Variants in THBS1 observed in about 807,000 individuals in gnomAD.
THBS1 encodes thrombospondin 1, also known as thrombospondin-1.
Under a neutral mutation model 126.1 loss-of-function variants are expected in THBS1, and 29 were observed. The observed-to-expected ratio is 0.23, with a 90% CI of 0.17 to 0.31. The LOEUF is 0.31. THBS1 is among the 10% of genes least tolerant of loss of function. The probability of loss-of-function intolerance (pLI) is 1.00; values close to 1 mark genes in which losing one functional copy is unlikely to be tolerated. For synonymous variants in THBS1, 496 were observed against 577.8 expected (o/e 0.86, Z 2.03); for missense variants, 1,198 against 1,545.2 (o/e 0.78, Z 3.77).
chr15:39,589,682 A>G lies in THBS1; in HGVS notation c.1927-123A>G. On this transcript the variant is annotated intron_variant, in intron 12 of 21. Transcript: ENST00000260356. The surrounding 1 kb of genome is among the most constrained non-coding windows in gnomAD (Gnocchi z 4.7). ...AGGGAGAATGGGGAGGGACAGAGGT[A>G]ACCCACACTCTTCCAAATGGAGCCT... The G allele has an allele frequency of 1.9e-6, 2 of 1,077,618 alleles. No homozygotes were observed. Among genetic ancestry groups the G allele is most frequent in the Non-Finnish European group, 2.6e-6 (2 of 773,232 alleles). The allele number at this position is 1,077,618 out of a possible 1,614,324, so 66.8% of individuals were successfully genotyped here.
intron 14 of THBS1, chr15:39,590,898 T>C (rs1254809408): frequency 1.9e-6 from 1 of 533,270 alleles, no homozygotes; most frequent in Non-Finnish European, 3.3e-6. Flanking sequence ...CCTAGATTCA[T>C]TTCAAATGTC....
At position 39,588,149 on chromosome 15, in the gene THBS1, C is replaced by A; in HGVS notation, c.1402C>A (p.Gln468Lys). 6.2e-7 allele frequency: 1 copy of A among 1,614,218 alleles called. No homozygotes were observed. The highest frequency in any genetic ancestry group is 8.5e-7 in the Non-Finnish European group (1 of 1,180,050). The change falls in exon 9 of 22, where the codon CAG (glutamine) becomes AAG (lysine). Residue 468 changes from glutamine to lysine, a missense_variant. Gln to Lys is a moderately conservative substitution (Grantham distance 53). This residue lies in a region of THBS1 where 663 missense variants were observed against 860.1 expected (regional missense o/e 0.77). Transcript: ENST00000260356. ...CCGGCTCTGCAACTCTCCCAGCCCC[C>A]AGATGAACGGGAAACCCTGTGAAGG... ...RIRLCNSPSPQMNGKPCEGEA... is the reference protein window; with the variant it reads ...RIRLCNSPSPKMNGKPCEGEA...
At chr15:39,583,845 CACACACGTAT>C (rs1433999708) in intron 4 of THBS1, 133 bp from the exon 5 acceptor site, 2 of 1,178,048 alleles carry the variant, frequency 1.7e-6, no homozygotes, top group African/African-American at 3.9e-5. Flanking sequence ...GTATTATACA[CACACACGTAT>C]ACACACGTGC....
rs1356087515 is a variant in THBS1, at chr15:39,592,975, T to A, written c.2768-25T>A. On this transcript the variant is annotated intron_variant, in intron 17 of 21. Coordinates refer to ENST00000260356, the MANE Select transcript of THBS1 (RefSeq NM_003246.4). The surrounding 1 kb of genome is among the most constrained non-coding windows in gnomAD (Gnocchi z 4.3). Reference sequence around the variant, plus strand: ...TAATAATAGCACTTTAGAATTTTGCTGAACTCTTGCTTTTTTGACCTCAGG... The same window carrying A: ...TAATAATAGCACTTTAGAATTTTGCAGAACTCTTGCTTTTTTGACCTCAGG... 1 of 1,610,588 alleles carries A rather than the reference T, an allele frequency of 6.2e-7. No individual in the cohort carries two copies. Among genetic ancestry groups the A allele is most frequent in the South Asian group, 1.1e-5 (1 of 90,814 alleles).
intron 3 of THBS1, among the ~76,000 whole-genome samples, 181 bp downstream of exon 3, chr15:39,582,933 G>A (rs1160682171): frequency 6.6e-6 from 1 of 152,214 alleles, no homozygotes; most frequent in African/African-American, 2.4e-5. Context: ...CCCAGAGTCT[G>A]GGATTCTGTA....
intron 7 of THBS1, 22 bp downstream of exon 7, chr15:39,585,585 G>A: frequency 6.2e-7 from 1 of 1,609,598 alleles, no homozygotes; most frequent in Admixed American, 1.7e-5. Flanking sequence ...AAATGGCATA[G>A]CTATTCTTCA....
chr15:39,590,480 C>T lies in THBS1; in HGVS notation c.2146-36C>T, dbSNP rs1034449470. 3.3e-6 allele frequency: 5 copies of T among 1,524,360 alleles called. No homozygotes were observed. In the East Asian group the frequency reaches 1.1e-4, roughly 35 times the overall value. 94.4% of individuals were successfully genotyped at this position (1,524,360 alleles called of 1,614,324 possible). On this transcript the variant is annotated intron_variant, in intron 13 of 21. Transcript: ENST00000260356. ...GTGCATGAGCTCAGCATGAGGAAGG[C>T]AACTGAAGCAGTGATATATATCTTC...
Position 39,597,191 on chromosome 15 carries a change from A to G in THBS1, c.*1822A>G, listed in dbSNP as rs1305534522. 1 of 151,980 alleles carries G rather than the reference A, an allele frequency of 6.6e-6. No individual in the cohort carries two copies. Among genetic ancestry groups the G allele is most frequent in the African/African-American group, 2.4e-5 (1 of 41,388 alleles). The allele number at this position is 151,980 out of a possible 1,614,324, so 9.4% of individuals were successfully genotyped here. A position where few individuals can be genotyped will look rare whatever the true frequency, so the allele number is the denominator to read the frequency against. On this transcript the variant is annotated 3_prime_UTR_variant, in exon 22 of 22. Transcript: ENST00000260356. ...ATGCTATTTAAATAATTTATCAGGA[A>G]ATACTGCCTGTAGAGTTAGTATTTC...
chr15:39,591,762 C>G lies in THBS1; in HGVS notation c.2532+139C>G. ...TGGCTTCTCATAGCCAACTGGAATA[C>G]GTTCATGTAAATAATTTGCCTGATG... On this transcript the variant is annotated intron_variant, in intron 16 of 21. Coordinates refer to ENST00000260356, the MANE Select transcript of THBS1 (RefSeq NM_003246.4). 3.9e-6 allele frequency: 3 copies of G among 770,070 alleles called. No individual in the cohort carries two copies. In the Middle Eastern group the frequency reaches 7.2e-4, roughly 186 times the overall value. 47.7% of individuals were successfully genotyped at this position (770,070 alleles called of 1,614,324 possible).
In THBS1 at chr15:39,590,539, C is replaced by T; in HGVS notation, c.2169C>T (p.Asn723=). 1 of 1,613,740 alleles carries T rather than the reference C, an allele frequency of 6.2e-7. No homozygotes were observed. Among genetic ancestry groups the T allele is most frequent in the Non-Finnish European group, 8.5e-7 (1 of 1,179,892 alleles). The change falls in exon 14 of 22, where the codon AAC becomes AAT. Residue 723 remains asparagine, a synonymous_variant. Coordinates refer to ENST00000260356, the MANE Select transcript of THBS1 (RefSeq NM_003246.4). ...AGGATAATTGCCCCAACCTTCCCAA[C>T]TCAGGGCAGGAAGACTATGACAAGG... ...CKKDNCPNLP[N]SGQEDYDKDG...
At chr15:39,587,989 A>G (rs1890241017) in intron 8 of THBS1, 53 bp from the exon 9 acceptor site, 1 of 1,560,368 alleles carries the variant, frequency 6.4e-7, no homozygotes, top group Non-Finnish European at 8.8e-7. Flanking sequence ...GGGAGCCTCT[A>G]TTTGGCTGTC....
chr15:39,587,246 G>T, intron 7 of THBS1, 101 bp from the exon 8 acceptor site: 2 of 1,153,572 alleles, frequency 1.7e-6, no homozygotes, highest in Non-Finnish European at 2.4e-6. Context: ...TAAATATATT[G>T]CTTTTCACCC....
At position 39,593,015 on chromosome 15, in the gene THBS1, A is replaced by G. The variant is rs1046163935; in HGVS notation, c.2783A>G (p.Asp928Gly). 6.2e-6 allele frequency: 10 copies of G among 1,613,426 alleles called. No individual in the cohort carries two copies. The highest frequency in any genetic ancestry group is 6.8e-6 in the Non-Finnish European group (8 of 1,179,848). The change falls in exon 18 of 22, where the codon GAT becomes GGT. Residue 928 changes from aspartate (D) to glycine (G), a missense_variant. This residue lies in a region of THBS1 where 255 missense variants were observed against 373.9 expected (regional missense o/e 0.68). Coordinates refer to ENST00000260356, the MANE Select transcript of THBS1 (RefSeq NM_003246.4). The surrounding 1 kb of genome is among the most constrained non-coding windows in gnomAD (Gnocchi z 5.9). ...QKDSDGDGRG[D>G]ACKDDFDHDS... ...TTGACCTCAGGCGATGGTCGAGGTG[A>G]TGCCTGCAAAGATGATTTTGACCAT...
chr15:39,589,030 G>C lies in THBS1; in HGVS notation c.1717G>C (p.Gly573Arg). The change falls in exon 11 of 22, where the codon GGT becomes CGT. Residue 573 changes from glycine to arginine, a missense_variant. Physicochemically the swap from Gly to Arg is moderately radical, Grantham distance 125 (BLOSUM62 -2). Transcript: ENST00000260356. This position sits in a 1 kb window ranked among gnomAD's most constrained non-coding sequence, Gnocchi z 4.7. ...TSYPDGSWKC[G>R]ACPPGYSGNG... ...CTACCCTGATGGCAGCTGGAAATGT[G>C]GTGCTTGTCCCCCTGGTTACAGTGG... 1 of 1,614,062 alleles carries C rather than the reference G, an allele frequency of 6.2e-7. No homozygotes were observed. The highest frequency in any genetic ancestry group is 2.2e-5 in the East Asian group (1 of 44,888).
chr15:39,588,138 C>A lies in THBS1; in HGVS notation c.1391C>A (p.Ser464Tyr), dbSNP rs1160851289. 6.2e-7 allele frequency: 1 copy of A among 1,614,246 alleles called. No individual in the cohort carries two copies. The highest frequency in any genetic ancestry group is 1.1e-5 in the South Asian group (1 of 91,084). ...GVITRIRLCN[S>Y]PSPQMNGKPC... The stretch of plus-strand genomic sequence containing the variant: ...ATCACAAGGATCCGGCTCTGCAACT[C>A]TCCCAGCCCCCAGATGAACGGGAAA... Residue 464 changes from serine (S) to tyrosine (Y), a missense_variant, in exon 9 of 22, where the codon TCT (serine) becomes TAT (tyrosine). By Grantham distance (144) the Ser-to-Tyr change is moderately radical. Coordinates refer to ENST00000260356, the MANE Select transcript of THBS1 (RefSeq NM_003246.4).
rs1441064165 is a variant in THBS1 at position 39,589,537 on chromosome 15, A to G, written c.1926+183A>G. Among the ~76,000 whole-genome samples, 2 of 152,230 alleles carry G rather than the reference A, an allele frequency of 1.3e-5. No individual in the cohort carries two copies. The highest frequency in any genetic ancestry group is 4.8e-5 in the African/African-American group (2 of 41,470). ...ATGGTAAATCCTGCAGGGGAAAAACAGTCTTCCATATTTAAAAATGCTGCT... is the reference window on the plus strand; with the variant it reads ...ATGGTAAATCCTGCAGGGGAAAAACGGTCTTCCATATTTAAAAATGCTGCT... On this transcript the variant is annotated intron_variant, in intron 12 of 21. Coordinates refer to ENST00000260356, the MANE Select transcript of THBS1 (RefSeq NM_003246.4). The surrounding 1 kb of genome is among the most constrained non-coding windows in gnomAD (Gnocchi z 4.7).
intron 14 of THBS1, chr15:39,590,847 A>G (rs1220928810): frequency 3.6e-6 from 2 of 556,504 alleles, no homozygotes; most frequent in African/African-American, 3.8e-5. Flanking sequence ...TTTTCTCTGT[A>G]CTTGAGAAAT....
At chr15:39,588,402 T>A in intron 9 of THBS1, 124 bp from the exon 10 acceptor site, 1 of 1,333,724 alleles carries the variant, frequency 7.5e-7, no homozygotes, top group Non-Finnish European at 1.0e-6. Flanking sequence ...CTCACCCTCT[T>A]CCCCAGCATT....
Position 39,589,346 on chromosome 15 carries a change from A to AACATGT in THBS1, c.1921_1922insTGTACA (p.Asn640_Lys641insMetTyr), listed in dbSNP as rs1218892083. 3 of 1,614,028 alleles carry AACATGT rather than the reference A, an allele frequency of 1.9e-6. No homozygotes were observed. Among genetic ancestry groups the AACATGT allele is most frequent in the Non-Finnish European group, 2.5e-6 (3 of 1,180,016 alleles). ...CCAGGGTGTCGAACATGCCACGGCC[A>AACATGT]ACAAACAGGTACAGTCAACTAGACG... On this transcript the variant is annotated inframe_insertion, in exon 12 of 22. Transcript: ENST00000260356. The surrounding 1 kb of genome is among the most constrained non-coding windows in gnomAD (Gnocchi z 4.7).
Sources: allele counts gnomAD v4.1 joint callset (sites outside exome capture counted in the v4.1 genomes callset), GRCh38; gene constraint gnomAD v4.1.1; regional missense constraint gnomAD v4.1.1; non-coding constraint Gnocchi (gnomAD v3.1); transcripts MANE v1.5; gene names NCBI Gene and HGNC (gene_info 2026-07-23, HGNC 2026-07-21).